Variants in NAALADL2 observed in about 807,000 individuals in gnomAD.
NAALADL2 encodes N-acetylated alpha-linked acidic dipeptidase like 2, also known as inactive N-acetylated-alpha-linked acidic dipeptidase-like protein 2.
Under a neutral mutation model 87.2 loss-of-function variants are expected in NAALADL2, and 76 were observed. The observed-to-expected ratio is 0.87, with a 90% CI of 0.72 to 1.05. The LOEUF (loss-of-function observed/expected upper bound fraction) is 1.05, where lower values mean the gene tolerates loss of function less well. Ranked by LOEUF, NAALADL2 falls within the 50% of genes least tolerant of loss-of-function variation. NAALADL2 has a pLI of 0.00. For missense variants in NAALADL2, 1,089 were observed against 945.8 expected, an observed-to-expected ratio of 1.15 and a Z score of -1.99; for synonymous variants, 354 against 331.0, an observed-to-expected ratio of 1.07 and a Z score of -0.75.
intron 1 of NAALADL2, among the ~76,000 whole-genome samples, chr3:174,480,784 A>G (rs1717499467): frequency 6.6e-6 from 1 of 152,108 alleles, no homozygotes; most frequent in African/African-American, 2.4e-5. Context: ...GTAGAATAGA[A>G]GAGGTTCCAG....
intron 9 of NAALADL2, among the ~76,000 whole-genome samples, chr3:175,515,714 G>A (rs1270473119): frequency 6.6e-6 from 1 of 152,180 alleles, no homozygotes; most frequent in Non-Finnish European, 1.5e-5. Context: ...CTGGCTGGAT[G>A]GACGTTACAG....
At chr3:174,747,276 A>G (rs1283938874) in intron 3 of NAALADL2, among the ~76,000 whole-genome samples, 1 of 152,184 alleles carries the variant, frequency 6.6e-6, no homozygotes, top group South Asian at 2.1e-4. Context: ...AAGGACATGA[A>G]CAGACACTTC....
chr3:174,658,298 G>A (rs115151947), intron 2 of NAALADL2, among the ~76,000 whole-genome samples: 254 of 152,128 alleles, frequency 1.7e-3, no homozygotes, highest in African/African-American at 5.9e-3. Context: ...CCAGTGTTAC[G>A]CATTTTCATC....
At chr3:175,070,649 C>T (rs1580291280) in intron 1 of NAALADL2, among the ~76,000 whole-genome samples, 1 of 151,982 alleles carries the variant, frequency 6.6e-6, no homozygotes, top group African/African-American at 2.4e-5. Flanking sequence ...CCCAACATGT[C>T]AAATATGCAG....
At chr3:174,638,144 T>G (rs570197660) in intron 2 of NAALADL2, among the ~76,000 whole-genome samples, 13 of 152,294 alleles carry the variant, frequency 8.5e-5, no homozygotes, top group Admixed American at 2.6e-4. Context: ...TTACTGTGTT[T>G]TTGCTTATTA....
intron 11 of NAALADL2, among the ~76,000 whole-genome samples, chr3:175,714,984 T>A (rs1357710579): frequency 6.6e-6 from 1 of 152,216 alleles, no homozygotes; most frequent in Non-Finnish European, 1.5e-5. Context: ...AAAGACTTCA[T>A]GACTATTTTC....
intron 2 of NAALADL2, among the ~76,000 whole-genome samples, chr3:175,132,201 T>G: frequency 1.4e-5 from 1 of 69,940 alleles, no homozygotes; most frequent in Non-Finnish European, 2.6e-5. Context: ...CACTTCCCAG[T>G]AGGGGCGGCC....
At chr3:174,690,012 A>C (rs1450046308) in intron 2 of NAALADL2, among the ~76,000 whole-genome samples, 1 of 152,078 alleles carries the variant, frequency 6.6e-6, no homozygotes, top group Non-Finnish European at 1.5e-5. Flanking sequence ...TCTTCAAAGA[A>C]TTTATTTAGA....
At chr3:175,398,028 A>AAAAC (rs1161783588) in intron 5 of NAALADL2, among the ~76,000 whole-genome samples, 1 of 152,132 alleles carries the variant, frequency 6.6e-6, no homozygotes, top group Non-Finnish European at 1.5e-5. Flanking sequence ...TTGTGCCCCC[A>AAAAC]AAACAAACAA....
At chr3:175,134,804 C>T (rs906933515) in intron 2 of NAALADL2, among the ~76,000 whole-genome samples, 4 of 152,140 alleles carry the variant, frequency 2.6e-5, no homozygotes, top group African/African-American at 9.7e-5. Flanking sequence ...ACCATGAATA[C>T]CTGTCTACCT....
At chr3:175,633,574 A>G (rs1728101970) in intron 11 of NAALADL2, among the ~76,000 whole-genome samples, 1 of 151,978 alleles carries the variant, frequency 6.6e-6, no homozygotes, top group African/African-American at 2.4e-5. Context: ...CAAATGCTCT[A>G]TAGTATATAT....
At chr3:175,060,602 T>C (rs1713225429) in intron 1 of NAALADL2, among the ~76,000 whole-genome samples, 1 of 152,238 alleles carries the variant, frequency 6.6e-6, no homozygotes, top group Non-Finnish European at 1.5e-5. Flanking sequence ...CAAGTAACTT[T>C]ACAAATATAA....
intron 3 of NAALADL2, among the ~76,000 whole-genome samples, chr3:174,767,408 A>G (rs1195884731): frequency 6.6e-6 from 1 of 152,162 alleles, no homozygotes; most frequent in African/African-American, 2.4e-5. Context: ...CTTAATTACA[A>G]AACTGCCTTT....
chr3:175,673,967 A>T (rs902763262), intron 11 of NAALADL2, among the ~76,000 whole-genome samples: 1 of 151,970 alleles, frequency 6.6e-6, no homozygotes, highest in African/African-American at 2.4e-5. Flanking sequence ...TTTTTGCTTC[A>T]TTGTAAGATA....
In NAALADL2 at chr3:175,643,097, T is replaced by C. The variant is rs115648696; in HGVS notation, c.1896+15711T>C. Among the ~76,000 whole-genome samples the C allele has an allele frequency of 4.0e-3, 616 of 152,318 alleles. 3 individuals are homozygous for C. Among genetic ancestry groups the C allele is most frequent in the African/African-American group, 0.014 (570 of 41,568 alleles). ...GACTTAAAAGAATAAGCATTAAATATATGTAAACCTGGTTTTGTGTTTTAG... is the reference window on the plus strand; with the variant it reads ...GACTTAAAAGAATAAGCATTAAATACATGTAAACCTGGTTTTGTGTTTTAG... On this transcript the variant is annotated intron_variant, in intron 11 of 13. Transcript: ENST00000454872.
At chr3:174,890,331 A>T (rs1392566439) in intron 1 of NAALADL2, among the ~76,000 whole-genome samples, 1 of 152,188 alleles carries the variant, frequency 6.6e-6, no homozygotes, top group Non-Finnish European at 1.5e-5. Context: ...TATACAGAGA[A>T]CAGTTCTCTG....
intron 5 of NAALADL2, among the ~76,000 whole-genome samples, chr3:175,428,479 G>C (rs975252862): frequency 2.0e-5 from 3 of 152,096 alleles, no homozygotes; most frequent in Non-Finnish European, 2.9e-5. Flanking sequence ...TGAGTGGCTA[G>C]TTGGAGGATG....
chr3:174,770,510 A>T (rs922236863), intron 3 of NAALADL2, among the ~76,000 whole-genome samples: 3 of 152,174 alleles, frequency 2.0e-5, no homozygotes, highest in African/African-American at 7.2e-5. Flanking sequence ...AGCTAACATA[A>T]TTCAGTAGGT....
chr3:175,578,163 T>C (rs1054702503), intron 10 of NAALADL2, among the ~76,000 whole-genome samples: 1 of 152,150 alleles, frequency 6.6e-6, no homozygotes, highest in African/African-American at 2.4e-5. Context: ...CAACGGTTCA[T>C]GCCTGTAGTC....
Sources: allele counts gnomAD v4.1 joint callset (sites outside exome capture counted in the v4.1 genomes callset), GRCh38; gene constraint gnomAD v4.1.1; transcripts MANE v1.5; gene names NCBI Gene and HGNC (gene_info 2026-07-23, HGNC 2026-07-21).